The following PDE4D variants were observed in gnomAD, a reference collection of about 807,000 sequenced individuals.
The protein encoded by PDE4D is phosphodiesterase 4D, also known as 3',5'-cyclic-AMP phosphodiesterase 4D.
A neutral mutation model predicts 87.4 loss-of-function variants in PDE4D; 24 were observed. That is an observed-to-expected ratio of 0.27 (90% CI 0.20 to 0.39). The LOEUF is 0.39. Ranked by LOEUF, PDE4D falls within the 10% of genes least tolerant of loss-of-function variation. PDE4D has a pLI of 1.00. For synonymous variants in PDE4D, 384 were observed against 383.2 expected (o/e 1.00, Z -0.02); for missense variants, 714 against 1,041.0 (o/e 0.69, Z 4.32).
chr5:60,053,663 A>G lies in PDE4D; in HGVS notation c.43-64946T>C, dbSNP rs140067164. 2.0e-3 allele frequency among the ~76,000 whole-genome samples: 310 copies of G among 152,334 alleles called. 2 individuals carry two copies. Among genetic ancestry groups the G allele is most frequent in the African/African-American group, 6.8e-3 (284 of 41,584 alleles). On this transcript the variant is annotated intron_variant, in intron 2 of 16. Coordinates refer to the PDE4D transcript ENST00000502484. ...CTTCATGACTAAAACACCAAAAGCA[A>G]TGGCCACAGAAGCCAAAATTGACAA...
At chr5:60,471,137 T>C (rs1747784878) in intron 1 of PDE4D, among the ~76,000 whole-genome samples, 1 of 152,154 alleles carries the variant, frequency 6.6e-6, no homozygotes, top group South Asian at 2.1e-4. Flanking sequence ...AAGAAGTGAT[T>C]CCACTTCTCA....
chr5:59,692,316 T>G (rs1751089695), intron 1 of PDE4D, among the ~76,000 whole-genome samples: 1 of 152,162 alleles, frequency 6.6e-6, no homozygotes, highest in Non-Finnish European at 1.5e-5. Context: ...ATGTAATTTG[T>G]GCTGCTTGCC....
intron 3 of PDE4D, among the ~76,000 whole-genome samples, chr5:59,962,611 T>A (rs1581929389): frequency 6.6e-6 from 1 of 152,286 alleles, no homozygotes; most frequent in South Asian, 2.1e-4. Context: ...AATAATTTTT[T>A]AAAAATCAAC....
At chr5:60,119,979 G>A (rs570803638) in intron 2 of PDE4D, among the ~76,000 whole-genome samples, 15 of 152,208 alleles carry the variant, frequency 9.9e-5, no homozygotes, top group African/African-American at 3.6e-4. Context: ...GAAACTTCAG[G>A]ATAGAAGCTA....
chr5:59,607,508 C>T (rs1280987229), intron 1 of PDE4D, among the ~76,000 whole-genome samples: 10 of 152,016 alleles, frequency 6.6e-5, no homozygotes, highest in Non-Finnish European at 1.3e-4. Flanking sequence ...CTTTTTACAG[C>T]TGCCAGGAAA....
chr5:59,498,972 T>C (rs1807747828), intron 1 of PDE4D, among the ~76,000 whole-genome samples: 1 of 152,156 alleles, frequency 6.6e-6, no homozygotes. Context: ...AGAATATGCA[T>C]TCTTCTCATC....
intron 1 of PDE4D, among the ~76,000 whole-genome samples, chr5:59,290,440 A>T (rs973239336): frequency 3.3e-5 from 5 of 152,078 alleles, no homozygotes; most frequent in Admixed American, 2.0e-4. Flanking sequence ...TGGATGAAAG[A>T]CTTAAGTCTA....
At chr5:59,726,130 A>G (rs1035430540) in intron 1 of PDE4D, among the ~76,000 whole-genome samples, 1 of 152,092 alleles carries the variant, frequency 6.6e-6, no homozygotes, top group Non-Finnish European at 1.5e-5. Flanking sequence ...TTTAAGTTCA[A>G]TGCTAACAAA....
At chr5:59,385,286 G>A (rs1467309998) in intron 1 of PDE4D, among the ~76,000 whole-genome samples, 1 of 152,096 alleles carries the variant, frequency 6.6e-6, no homozygotes, top group Non-Finnish European at 1.5e-5. Flanking sequence ...TTTTATAGAA[G>A]CTCAAGTGGC....
chr5:59,443,190 C>T (rs1053066210), intron 1 of PDE4D, among the ~76,000 whole-genome samples: 1 of 152,088 alleles, frequency 6.6e-6, no homozygotes, highest in Admixed American at 6.6e-5. Flanking sequence ...AATCAATGCT[C>T]GCATGAAGTA....
Position 60,285,175 on chromosome 5 carries a change from C to T in PDE4D, c.-89-99488G>A, listed in dbSNP as rs549778657. ...AACACTTCTCTTTACTTATATGTTA[C>T]ATCAGTCTACATAATAATTATATGA... On this transcript the variant is annotated intron_variant, in intron 1 of 16. Coordinates refer to the PDE4D transcript ENST00000502484. Among the ~76,000 whole-genome samples, 5 of 152,120 alleles carry T rather than the reference C, an allele frequency of 3.3e-5. No homozygotes were observed. In the South Asian group the frequency reaches 8.3e-4, roughly 25 times the overall value.
chr5:59,039,204 G>A, intron 5 of PDE4D: 1 of 1,300,086 alleles, frequency 7.7e-7, no homozygotes, highest in Non-Finnish European at 9.8e-7. Flanking sequence ...GTCTCGGGTC[G>A]GCCTCCAGGG....
chr5:59,221,137 T>C (rs1489568270), intron 1 of PDE4D, among the ~76,000 whole-genome samples: 1 of 152,140 alleles, frequency 6.6e-6, no homozygotes, highest in Non-Finnish European at 1.5e-5. Context: ...AGTAGTATGC[T>C]CAAGCTCATA....
At chr5:60,350,753 C>A (rs184978750) in intron 1 of PDE4D, among the ~76,000 whole-genome samples, 2 of 152,182 alleles carry the variant, frequency 1.3e-5, no homozygotes, top group African/African-American at 4.8e-5. Context: ...ACTGTTTGGG[C>A]CAAACAAAAC....
At chr5:59,931,773 C>T (rs1039489961) in intron 3 of PDE4D, among the ~76,000 whole-genome samples, 2 of 148,560 alleles carry the variant, frequency 1.3e-5, no homozygotes, top group Non-Finnish European at 3.0e-5. Flanking sequence ...GCAATCTCAG[C>T]TCACTGCAAG....
At chr5:59,365,897 G>A (rs926838241) in intron 1 of PDE4D, among the ~76,000 whole-genome samples, 1 of 152,094 alleles carries the variant, frequency 6.6e-6, no homozygotes, top group Admixed American at 6.5e-5. Flanking sequence ...AAAAAAATAA[G>A]CATGCCTTAG....
At chr5:59,572,726 C>T (rs547436247) in intron 1 of PDE4D, among the ~76,000 whole-genome samples, 7 of 152,222 alleles carry the variant, frequency 4.6e-5, no homozygotes, top group Middle Eastern at 3.4e-3. Context: ...GTGATCCACC[C>T]GCCTCGGCCT....
chr5:60,380,231 G>A (rs17378750), intron 1 of PDE4D, among the ~76,000 whole-genome samples: 7,982 of 152,216 alleles, frequency 0.052, 260 homozygotes, highest in East Asian at 0.11. Context: ...TGGTCAGCAG[G>A]ATAGATTAGT....
At chr5:60,325,340 G>C (rs1371776890) in intron 1 of PDE4D, among the ~76,000 whole-genome samples, 1 of 152,160 alleles carries the variant, frequency 6.6e-6, no homozygotes, top group Non-Finnish European at 1.5e-5. Context: ...GCTTCTTAAA[G>C]ATCTAAGATT....
Sources: gnomAD v4.1 joint callset for allele counts (sites outside exome capture counted in the v4.1 genomes callset) on GRCh38, gnomAD v4.1.1 for gene constraint, MANE v1.5 for transcripts, NCBI Gene and HGNC (gene_info 2026-07-23, HGNC 2026-07-21) for gene names.